Variants in ZNF451 observed in about 807,000 individuals in gnomAD.
ZNF451 encodes E3 SUMO-protein ligase ZNF451.
ZNF451 carries 80 observed loss-of-function variants against 107.1 expected under a neutral mutation model. The observed-to-expected ratio is 0.75, with a 90% CI of 0.62 to 0.90. The LOEUF (loss-of-function observed/expected upper bound fraction) is 0.90, where lower values mean the gene tolerates loss of function less well. ZNF451 is among the 40% of genes least tolerant of loss of function. The probability of loss-of-function intolerance (pLI) is 0.00; values close to 1 mark genes in which losing one functional copy is unlikely to be tolerated. For synonymous variants in ZNF451, 362 were observed against 406.5 expected (o/e 0.89, Z 1.32); for missense variants, 1,107 against 1,236.2 (o/e 0.90, Z 1.57).
At chr6:57,136,951 C>T (rs960617436) in intron 7 of ZNF451, among the ~76,000 whole-genome samples, 1 of 152,172 alleles carries the variant, frequency 6.6e-6, no homozygotes, top group African/African-American at 2.4e-5. Context: ...GCTTTGGTAT[C>T]AGACAGACCT....
intron 13 of ZNF451, chr6:57,154,423 G>A (rs1763299831): frequency 2.9e-6 from 1 of 344,020 alleles, no homozygotes; most frequent in African/African-American, 2.1e-5. Flanking sequence ...TGCGCTTAGA[G>A]GTGAAAACCA....
In ZNF451 at chr6:57,153,977, A is replaced by G; in HGVS notation, c.3000A>G (p.Ile1000Met). The G allele has an allele frequency of 7.4e-6, 12 of 1,614,190 alleles. No individual in the cohort carries two copies. The highest frequency in any genetic ancestry group is 1.0e-5 in the Non-Finnish European group (12 of 1,180,026). ...QFKKTQRPAH[I>M]LNPHHLEGDM... Reference sequence around the variant, plus strand: ...AGAAGACTCAGAGGCCAGCTCATATACTAAACCCTCACCACTTAGAGGGAG... The same window carrying G: ...AGAAGACTCAGAGGCCAGCTCATATGCTAAACCCTCACCACTTAGAGGGAG... The change falls in exon 13 of 15, where the codon ATA (isoleucine) becomes ATG (methionine). Residue 1000 changes from isoleucine to methionine, a missense_variant. This residue lies in a region of ZNF451 where 151 missense variants were observed against 173.3 expected (regional missense o/e 0.87). Coordinates refer to ENST00000370706, the MANE Select transcript of ZNF451 (RefSeq NM_001031623.3).
At position 57,148,692 on chromosome 6, in the gene ZNF451, A is replaced by G. The variant is rs1452280080; in HGVS notation, c.2607A>G (p.Ile869Met). The G allele has an allele frequency of 1.3e-6, 2 of 1,596,938 alleles. No individual in the cohort carries two copies. Among genetic ancestry groups the G allele is most frequent in the Non-Finnish European group, 1.7e-6 (2 of 1,172,468 alleles). The change falls in exon 10 of 15, where the codon ATA (isoleucine) becomes ATG (methionine). Residue 869 changes from isoleucine (I) to methionine (M), a missense_variant and splice_region_variant. By Grantham distance (10) the Ile-to-Met change is conservative. Coordinates refer to ENST00000370706, the MANE Select transcript of ZNF451 (RefSeq NM_001031623.3). ...GVENDLSYQN[I>M]EEEIVELPDL... ...AGAATGACCTAAGCTATCAGAATATAGGTATGGCTTTATAGCTCTATGCAA... is the reference window on the plus strand; with the variant it reads ...AGAATGACCTAAGCTATCAGAATATGGGTATGGCTTTATAGCTCTATGCAA...
intron 3 of ZNF451, among the ~76,000 whole-genome samples, chr6:57,112,324 A>ATGC (rs1830153529): frequency 6.6e-6 from 1 of 152,194 alleles, no homozygotes; most frequent in Non-Finnish European, 1.5e-5. Flanking sequence ...TTCAAACCAA[A>ATGC]TGCGCTAGTC....
intron 3 of ZNF451, chr6:57,103,885 T>C (rs765874236): frequency 4.1e-6 from 4 of 985,414 alleles, no homozygotes; most frequent in Non-Finnish European, 4.8e-6. Flanking sequence ...CACCCATTTT[T>C]AAATCTACTT....
At chr6:57,103,679 T>A (rs1829712944) in intron 3 of ZNF451, 1 of 985,252 alleles carries the variant, frequency 1.0e-6, no homozygotes, top group African/African-American at 1.7e-5. Context: ...ATTCTGTAAC[T>A]TCTGCGTTTT....
rs1017520464 is a variant in ZNF451, at chr6:57,104,469, G to A, written c.186+5328G>A. The stretch of plus-strand genomic sequence containing the variant: ...TTAGATGCTATGTCATAAACTTGGT[G>A]GTTTTTGAAATACTCTTATTTCAAA... On this transcript the variant is annotated intron_variant, in intron 3 of 14. Coordinates refer to ENST00000370706, the MANE Select transcript of ZNF451 (RefSeq NM_001031623.3). 7.1e-6 allele frequency: 7 copies of A among 985,100 alleles called. No individual in the cohort carries two copies. The African/African-American group carries it at 1.2e-4, about 17-fold the overall frequency. 61.0% of individuals were successfully genotyped at this position (985,100 alleles called of 1,614,324 possible). A position where few individuals can be genotyped will look rare whatever the true frequency, so the allele number is the denominator to read the frequency against.
chr6:57,144,372 C>T (rs1737532986), intron 9 of ZNF451, among the ~76,000 whole-genome samples: 1 of 151,232 alleles, frequency 6.6e-6, no homozygotes, highest in East Asian at 2.0e-4. Flanking sequence ...TCCCAAGTAC[C>T]TGGGACTATA....
At chr6:57,134,722 T>C (rs1831348690) in intron 6 of ZNF451, 22 bp from the exon 7 acceptor site, 1 of 1,606,286 alleles carries the variant, frequency 6.2e-7, no homozygotes, top group Non-Finnish European at 8.5e-7. Context: ...TAATATTACC[T>C]CTTACCTCTT....
chr6:57,156,670 G>A (rs528286809), intron 13 of ZNF451, among the ~76,000 whole-genome samples: 2 of 152,256 alleles, frequency 1.3e-5, no homozygotes, highest in Admixed American at 6.5e-5. Context: ...CAAGGGATTT[G>A]TGGTCTCAAC....
At chr6:57,159,333 G>A (rs549060924) in intron 13 of ZNF451, 2 of 985,362 alleles carry the variant, frequency 2.0e-6, no homozygotes, top group East Asian at 1.1e-4. Flanking sequence ...TTGTTTGGAT[G>A]AGTTATAACA....
At chr6:57,128,502 C>A (rs973461593) in intron 4 of ZNF451, among the ~76,000 whole-genome samples, 5 of 151,958 alleles carry the variant, frequency 3.3e-5, no homozygotes, top group Admixed American at 3.3e-4. Flanking sequence ...TAAACCATAC[C>A]CTGTTGTTAG....
In ZNF451 at chr6:57,099,082, C is replaced by A; in HGVS notation, c.127C>A (p.Leu43Ile). 6.2e-7 allele frequency: 1 copy of A among 1,613,648 alleles called. No individual in the cohort carries two copies. Among genetic ancestry groups the A allele is most frequent in the Non-Finnish European group, 8.5e-7 (1 of 1,179,670 alleles). ...ATAGGAAGGACCATTACGACCTGTT[C>A]TTGAATACATTGATCTGGTCAGCAG... The part of the protein sequence containing the change: ...FVSEGPLRPV[L>I]EYIDLVSSDD... The change falls in exon 3 of 15, where the codon CTT becomes ATT. Residue 43 changes from leucine (L) to isoleucine (I), a missense_variant. Physicochemically the swap from Leu to Ile is conservative, Grantham distance 5 (BLOSUM62 2). Transcript: ENST00000370706.
chr6:57,161,321 A>G (rs1191904127), intron 14 of ZNF451, among the ~76,000 whole-genome samples, 169 bp downstream of exon 14: 1 of 152,028 alleles, frequency 6.6e-6, no homozygotes, highest in Non-Finnish European at 1.5e-5. Context: ...CTTAGGGGTA[A>G]TACTAATTTA....
intron 3 of ZNF451, chr6:57,100,831 T>C (rs1829556450): frequency 7.1e-6 from 11 of 1,548,178 alleles, no homozygotes; most frequent in Non-Finnish European, 9.6e-6. Context: ...GACCCTTAAA[T>C]CATCACAGAA....
At chr6:57,155,212 G>T (rs2127984377) in intron 13 of ZNF451, among the ~76,000 whole-genome samples, 1 of 152,266 alleles carries the variant, frequency 6.6e-6, no homozygotes, top group South Asian at 2.1e-4. Flanking sequence ...CAGGCTGGGT[G>T]CAGTGGCTCA....
intron 3 of ZNF451, among the ~76,000 whole-genome samples, chr6:57,110,177 A>G (rs868652916): frequency 6.6e-6 from 1 of 152,222 alleles, no homozygotes; most frequent in South Asian, 2.1e-4. Flanking sequence ...AGTGTGGAAC[A>G]GTGTGGGTAA....
intron 9 of ZNF451, among the ~76,000 whole-genome samples, chr6:57,143,880 G>A (rs1198517141): frequency 6.6e-6 from 1 of 152,164 alleles, no homozygotes; most frequent in Non-Finnish European, 1.5e-5. Context: ...GAAAAGGATT[G>A]AAATCCTGAT....
At chr6:57,136,614 G>A (rs559336789) in intron 7 of ZNF451, among the ~76,000 whole-genome samples, 1 of 152,100 alleles carries the variant, frequency 6.6e-6, no homozygotes, top group Non-Finnish European at 1.5e-5. Context: ...ACTGCATTCC[G>A]TACTTTAGGG....
Sources: gnomAD v4.1 joint callset for allele counts (sites outside exome capture counted in the v4.1 genomes callset) on GRCh38, gnomAD v4.1.1 for gene constraint, gnomAD v4.1.1 regional missense constraint, MANE v1.5 for transcripts, NCBI Gene and HGNC (gene_info 2026-07-23, HGNC 2026-07-21) for gene names.